Variants in ZNF112 observed in about 807,000 individuals in gnomAD.
ZNF112 encodes the protein zinc finger protein 112 (Y14).
ZNF112 carries 37 observed loss-of-function variants against 77.7 expected under a neutral mutation model. The ratio of observed to expected loss-of-function variants is 0.48; its 90% CI spans 0.37 to 0.63. The LOEUF (loss-of-function observed/expected upper bound fraction) is 0.63. ZNF112 is among the 20% of genes least tolerant of loss of function. The pLI, the probability that ZNF112 is intolerant of heterozygous loss-of-function variation, is 0.00. For synonymous variants in ZNF112, 333 were observed against 363.6 expected, an observed-to-expected ratio of 0.92 and a Z score of 0.96; for missense variants, 950 against 1,077.4, an observed-to-expected ratio of 0.88 and a Z score of 1.66.
chr19:44,338,560 T>A (rs555076312), intron 2 of ZNF112, among the ~76,000 whole-genome samples: 4 of 152,220 alleles, frequency 2.6e-5, no homozygotes, highest in Admixed American at 6.5e-5. Context: ...GTGTTCCTGC[T>A]GCATGGATCA....
intron 3 of ZNF112, among the ~76,000 whole-genome samples, chr19:44,335,398 C>T (rs552870043): frequency 5.9e-5 from 9 of 152,006 alleles, no homozygotes; most frequent in South Asian, 2.1e-4. Context: ...CCCAAGGTAA[C>T]GGCAAAGAAG....
intron 1 of ZNF112, among the ~76,000 whole-genome samples, chr19:44,348,673 A>G (rs1042745111): frequency 1.3e-5 from 2 of 152,160 alleles, no homozygotes; most frequent in Admixed American, 1.3e-4. Flanking sequence ...TTAGTCACAA[A>G]AGAAATTAGA....
At chr19:44,330,507 G>A (rs112633878) in intron 3 of ZNF112, among the ~76,000 whole-genome samples, 13,372 of 152,142 alleles carry the variant, frequency 0.088, 936 homozygotes, top group African/African-American at 0.19. Flanking sequence ...AGGCCAAGTC[G>A]GGTGGATCAC....
At chr19:44,335,968 G>A (rs776139296) in intron 3 of ZNF112, among the ~76,000 whole-genome samples, 4 of 152,206 alleles carry the variant, frequency 2.6e-5, no homozygotes, top group Admixed American at 2.6e-4. Context: ...TATGTCAAGA[G>A]ATTGTTTGGG....
rs1294608221 is a variant in ZNF112, at chr19:44,328,981, C to T, written c.1176G>A (p.Gln392=). ...EYEENENVFN[Q]SSCLQVHQKI... is the part of the protein sequence containing the mutation. ...TTTGATGGACTTGAAGACATGAACTCTGATTAAAGACATTCTCATTTTCCT... is the reference window on the plus strand; with the variant it reads ...TTTGATGGACTTGAAGACATGAACTTTGATTAAAGACATTCTCATTTTCCT... Residue 392 remains glutamine (Q), a synonymous_variant, in exon 4 of 4, where the codon CAG becomes CAA. Coordinates refer to ENST00000354340, the MANE Select transcript of ZNF112 (RefSeq NM_013380.4). 3.7e-6 allele frequency: 6 copies of T among 1,613,858 alleles called. No homozygotes were observed. The highest frequency in any genetic ancestry group is 5.1e-6 in the Non-Finnish European group (6 of 1,179,980).
intron 3 of ZNF112, among the ~76,000 whole-genome samples, chr19:44,333,867 G>T (rs10403300): frequency 0.021 from 3,137 of 152,266 alleles, 112 homozygotes; most frequent in African/African-American, 0.072. Flanking sequence ...GTGGGGCATT[G>T]CTATAAAGAT....
intron 1 of ZNF112, among the ~76,000 whole-genome samples, chr19:44,350,732 T>C (rs921037162): frequency 6.6e-6 from 1 of 152,086 alleles, no homozygotes; most frequent in African/African-American, 2.4e-5. Flanking sequence ...AACTTCAGAA[T>C]TGTAGCAGTG....
intron 1 of ZNF112, among the ~76,000 whole-genome samples, chr19:44,365,545 G>C (rs1238997811): frequency 6.6e-6 from 1 of 151,712 alleles, no homozygotes; most frequent in African/African-American, 2.4e-5. Context: ...AACTATCTAG[G>C]TTATCCTAGA....
At chr19:44,345,922 G>C (rs2123191009) in intron 1 of ZNF112, among the ~76,000 whole-genome samples, 1 of 152,268 alleles carries the variant, frequency 6.6e-6, no homozygotes. Flanking sequence ...GGCTTTGTGG[G>C]TCACATGCTG....
chr19:44,347,485 A>ATTT lies in ZNF112; in HGVS notation c.-3-6946_-3-6944dup, dbSNP rs757226424. Among the ~76,000 whole-genome samples the ATTT allele has an allele frequency of 9.9e-3, 399 of 40,278 alleles. 7 individuals carry two copies. Among genetic ancestry groups the ATTT allele is most frequent in the African/African-American group, 0.024 (340 of 13,904 alleles). 26.4% of individuals were successfully genotyped at this position (40,278 alleles called of 152,430 possible). On this transcript the variant is annotated intron_variant, in intron 1 of 3. Transcript: ENST00000354340. ...CCTTTTTCTGCCTTCTTTTGGGTTGATTTTTTTTTTTTTTTTTTTTTACTA... is the reference window on the plus strand; with the variant it reads ...CCTTTTTCTGCCTTCTTTTGGGTTGATTTTTTTTTTTTTTTTTTTTTTTTACTA...
chr19:44,327,524 C>T lies in ZNF112; in HGVS notation c.2633G>A (p.Ser878Asn). The T allele has an allele frequency of 1.9e-6, 3 of 1,613,998 alleles. No individual in the cohort carries two copies. The highest frequency in any genetic ancestry group is 2.5e-6 in the Non-Finnish European group (3 of 1,179,934). The change falls in exon 4 of 4, where the codon AGT (serine) becomes AAT (asparagine). Residue 878 changes from serine (S) to asparagine (N), a missense_variant. By Grantham distance (46) the Ser-to-Asn change is conservative. Around this residue, in one of 3 missense-constraint regions of ZNF112, gnomAD observed 373 missense variants for 482.8 expected, o/e 0.77. Coordinates refer to ENST00000354340, the MANE Select transcript of ZNF112 (RefSeq NM_013380.4). ...SGLLIHQRVHSSDKFYKSEDY... is the reference protein window; with the variant it reads ...SGLLIHQRVHNSDKFYKSEDY... The stretch of plus-strand genomic sequence containing the variant: ...TTCGCTTTTATAGAATTTATCACTA[C>T]TATGGACTCTTTGATGAATGAGAAG...
chr19:44,352,114 G>A (rs1293146896), intron 1 of ZNF112, among the ~76,000 whole-genome samples: 2 of 152,046 alleles, frequency 1.3e-5, no homozygotes, highest in African/African-American at 4.8e-5. Context: ...GGTACCACAA[G>A]GGGATGTTTC....
intron 2 of ZNF112, among the ~76,000 whole-genome samples, chr19:44,339,034 C>T (rs1295587421): frequency 6.6e-6 from 1 of 152,076 alleles, no homozygotes; most frequent in East Asian, 1.9e-4. Flanking sequence ...GCACTCCAGC[C>T]TGGGCAACAG....
At chr19:44,335,956 G>C (rs1970357324) in intron 3 of ZNF112, among the ~76,000 whole-genome samples, 1 of 152,196 alleles carries the variant, frequency 6.6e-6, no homozygotes, top group Non-Finnish European at 1.5e-5. Context: ...TAAGACTGTG[G>C]CTATGTCAAG....
rs375302648 is a variant in ZNF112 at position 44,336,615 on chromosome 19, G to C, written c.220+8C>G. 1 of 1,610,510 alleles carries C rather than the reference G, an allele frequency of 6.2e-7. No homozygotes were observed. Among genetic ancestry groups the C allele is most frequent in the Middle Eastern group, 1.7e-4 (1 of 6,052 alleles). ...CTGGCTGCTGTGTTCCTGCAGCACAGTTCTCACCTGAACATCCATCTCTTG... is the reference window on the plus strand; with the variant it reads ...CTGGCTGCTGTGTTCCTGCAGCACACTTCTCACCTGAACATCCATCTCTTG... On this transcript the variant is annotated splice_region_variant and intron_variant, in intron 3 of 3. Coordinates refer to ENST00000354340, the MANE Select transcript of ZNF112 (RefSeq NM_013380.4).
chr19:44,366,758 C>T (rs1163828112), intron 1 of ZNF112, among the ~76,000 whole-genome samples: 3 of 151,064 alleles, frequency 2.0e-5, no homozygotes, highest in Non-Finnish European at 2.9e-5. Flanking sequence ...TCTTCCCAGG[C>T]TCATAGAAGC....
rs1310803457 is a variant in ZNF112, at chr19:44,328,429, T to C, written c.1728A>G (p.Lys576=). 1.9e-6 allele frequency: 3 copies of C among 1,614,060 alleles called. No homozygotes were observed. In the South Asian group the frequency reaches 3.3e-5, roughly 18 times the overall value. ...TGAACCCCTTCCCACATTCCTCACA[T>C]TTATAAGGTTTTTCTCCAGTGTGGA... The part of the protein sequence containing the change: ...QRVHTGEKPY[K]CEECGKGFSR... Residue 576 remains lysine (K), a synonymous_variant, in exon 4 of 4, where the codon AAA becomes AAG. Coordinates refer to ENST00000354340, the MANE Select transcript of ZNF112 (RefSeq NM_013380.4).
intron 2 of ZNF112, among the ~76,000 whole-genome samples, chr19:44,338,251 G>T (rs1970425227): frequency 6.6e-6 from 1 of 152,156 alleles, no homozygotes; most frequent in Non-Finnish European, 1.5e-5. Flanking sequence ...CTTGTTGACT[G>T]CAAGTTTATG....
intron 1 of ZNF112, among the ~76,000 whole-genome samples, chr19:44,365,069 T>C (rs1260331810): frequency 2.0e-5 from 3 of 152,198 alleles, no homozygotes; most frequent in Non-Finnish European, 4.4e-5. Flanking sequence ...ACTCTTTAAA[T>C]GTTTAGTAGA....
Sources: allele counts gnomAD v4.1 joint callset (sites outside exome capture counted in the v4.1 genomes callset), GRCh38; gene constraint gnomAD v4.1.1; regional missense constraint gnomAD v4.1.1; transcripts MANE v1.5; gene names NCBI Gene and HGNC (gene_info 2026-07-23, HGNC 2026-07-21).